PTPRN2: variants seen among roughly 807,000 people sequenced by gnomAD.
PTPRN2 encodes protein tyrosine phosphatase receptor type N2.
A neutral mutation model predicts 118.8 loss-of-function variants in PTPRN2; 74 were observed. That is an observed-to-expected ratio of 0.62 (90% CI 0.52 to 0.76). The LOEUF is 0.76. Ranked by LOEUF, PTPRN2 falls within the 30% of genes least tolerant of loss-of-function variation. The probability of loss-of-function intolerance (pLI) is 0.00; values close to 1 mark genes in which losing one functional copy is unlikely to be tolerated. For missense variants in PTPRN2, 1,481 were observed against 1,394.4 expected (o/e 1.06, Z -0.99); for synonymous variants, 641 against 608.0 (o/e 1.05, Z -0.80).
chr7:158,343,984 C>T (rs1807290216), intron 2 of PTPRN2, among the ~76,000 whole-genome samples: 1 of 152,216 alleles, frequency 6.6e-6, no homozygotes, highest in African/African-American at 2.4e-5. Flanking sequence ...ATACACTTCA[C>T]ACTGCCACAC....
chr7:157,658,143 C>T (rs370754250), intron 13 of PTPRN2, among the ~76,000 whole-genome samples: 3 of 151,490 alleles, frequency 2.0e-5, no homozygotes, highest in Admixed American at 6.6e-5. Flanking sequence ...CAGTAGCCTT[C>T]GTTGGGTGGC....
At chr7:157,687,372 T>C (rs773057443) in intron 12 of PTPRN2, among the ~76,000 whole-genome samples, 1 of 152,228 alleles carries the variant, frequency 6.6e-6, no homozygotes, top group Non-Finnish European at 1.5e-5. Context: ...TCCAAGGTTG[T>C]GTGATATAAC....
chr7:158,521,800 T>TA (rs1824101881), intron 1 of PTPRN2, among the ~76,000 whole-genome samples: 1 of 64,650 alleles, frequency 1.5e-5, no homozygotes, highest in Non-Finnish European at 3.1e-5. Flanking sequence ...ACTGTCCAGG[T>TA]GCTGGCTCGG....
intron 12 of PTPRN2, among the ~76,000 whole-genome samples, chr7:157,793,293 G>A (rs113405405): frequency 7.6e-4 from 116 of 152,334 alleles, no homozygotes; most frequent in African/African-American, 2.6e-3. Flanking sequence ...GTTTCATTAC[G>A]TGAGATGGCA....
At chr7:158,571,511 AC>A (rs200803644) in intron 1 of PTPRN2, among the ~76,000 whole-genome samples, 2,028 of 146,058 alleles carry the variant, frequency 0.014, 57 homozygotes, top group African/African-American at 0.044. Context: ...ACAAAAAAAA[AC>A]ACACACCTAT....
intron 12 of PTPRN2, among the ~76,000 whole-genome samples, chr7:157,708,258 A>G (rs1798432357): frequency 6.6e-6 from 1 of 152,168 alleles, no homozygotes. Flanking sequence ...CTCTGCTGCC[A>G]GCTCCCTGGT....
Position 158,352,885 on chromosome 7 carries a change from C to T in PTPRN2, c.164-35953G>A, listed in dbSNP as rs1808110750. ...GCTGCCTGGCTCTCTCTGCCTGTTA[C>T]TCTGTTTCTGGAACATGGCAGCTGC... On this transcript the variant is annotated intron_variant, in intron 2 of 22. Coordinates refer to ENST00000389418, the MANE Select transcript of PTPRN2 (RefSeq NM_002847.5). Among the ~76,000 whole-genome samples the T allele has an allele frequency of 2.0e-5, 3 of 152,250 alleles. No homozygotes were observed. In the South Asian group the frequency reaches 6.2e-4, roughly 32 times the overall value.
rs576520819 is a variant in PTPRN2 at position 158,139,435 on chromosome 7, G to A, written c.911-920C>T. On this transcript the variant is annotated intron_variant, in intron 6 of 22. Transcript: ENST00000389418. ...TCGTTGGAAGAACAGAATGGGAGACGTTCTGCAGAACCTCAGTCACCCCTG... is the reference window on the plus strand; with the variant it reads ...TCGTTGGAAGAACAGAATGGGAGACATTCTGCAGAACCTCAGTCACCCCTG... 3.3e-5 allele frequency among the ~76,000 whole-genome samples: 5 copies of A among 152,208 alleles called. No individual in the cohort carries two copies. The South Asian group carries it at 1.0e-3, about 32-fold the overall frequency.
Position 157,656,569 on chromosome 7 carries a change from G to A in PTPRN2, c.2002-18C>T. On this transcript the variant is annotated intron_variant, in intron 13 of 22. Coordinates refer to ENST00000389418, the MANE Select transcript of PTPRN2 (RefSeq NM_002847.5). The stretch of plus-strand genomic sequence containing the variant: ...CACAGCTCCTGCAGGACAGGGGGAG[G>A]AAGAGCAGGGGGTTAGTGGCATTGG... The A allele has an allele frequency of 6.6e-7, 1 of 1,521,442 alleles. No homozygotes were observed. Among genetic ancestry groups the A allele is most frequent in the Non-Finnish European group, 8.8e-7 (1 of 1,134,516 alleles). The allele number at this position is 1,521,442 out of a possible 1,614,324, so 94.2% of individuals were successfully genotyped here.
chr7:158,258,592 G>T (rs569845999), intron 3 of PTPRN2, among the ~76,000 whole-genome samples: 1 of 152,304 alleles, frequency 6.6e-6, no homozygotes, highest in East Asian at 1.9e-4. Flanking sequence ...GGAAGGGTCT[G>T]TGTCTCCTCC....
chr7:158,175,901 C>A (rs1282108296), intron 5 of PTPRN2, among the ~76,000 whole-genome samples: 1 of 152,140 alleles, frequency 6.6e-6, no homozygotes. Flanking sequence ...CACCATGAGG[C>A]CAGTGCTGCT....
At chr7:158,116,128 A>C (rs1241949293) in intron 9 of PTPRN2, among the ~76,000 whole-genome samples, 1 of 152,244 alleles carries the variant, frequency 6.6e-6, no homozygotes, top group Non-Finnish European at 1.5e-5. Flanking sequence ...CCACAAGTAG[A>C]TTCTACATTG....
intron 2 of PTPRN2, among the ~76,000 whole-genome samples, chr7:158,459,421 C>T (rs1818796542): frequency 6.6e-6 from 1 of 151,892 alleles, no homozygotes. Flanking sequence ...CGAACGGGAT[C>T]CAGAATCCAG....
chr7:158,314,939 C>T (rs989223363), intron 3 of PTPRN2, among the ~76,000 whole-genome samples: 8 of 149,056 alleles, frequency 5.4e-5, no homozygotes, highest in South Asian at 4.3e-4. Flanking sequence ...GAGGTGAACC[C>T]GGGACCCCCT....
At chr7:158,263,424 G>GCA (rs67067656) in intron 3 of PTPRN2, among the ~76,000 whole-genome samples, 59,051 of 151,514 alleles carry the variant, frequency 0.39, 11,746 homozygotes, top group African/African-American at 0.46. Context: ...ACAAACACAT[G>GCA]CACACACACA....
chr7:158,098,965 C>T lies in PTPRN2; in HGVS notation c.1643+11864G>A, dbSNP rs117265503. ...TGAAGACCCACTTCTTCTCTGGCCT[C>T]ATTCCTGGGTTCCGCATCCCGGCTG... On this transcript the variant is annotated intron_variant, in intron 10 of 22. Coordinates refer to ENST00000389418, the MANE Select transcript of PTPRN2 (RefSeq NM_002847.5). 2.4e-3 allele frequency among the ~76,000 whole-genome samples: 357 copies of T among 150,234 alleles called. 10 individuals carry two copies. In the East Asian group the frequency reaches 0.053, roughly 22 times the overall value.
At chr7:157,967,800 G>T (rs989321343) in intron 11 of PTPRN2, among the ~76,000 whole-genome samples, 1 of 152,206 alleles carries the variant, frequency 6.6e-6, no homozygotes, top group Non-Finnish European at 1.5e-5. Context: ...TTTACCTTGG[G>T]ATGAATGATC....
At chr7:157,614,274 C>T (rs1802610421) in intron 15 of PTPRN2, among the ~76,000 whole-genome samples, 1 of 151,898 alleles carries the variant, frequency 6.6e-6, no homozygotes, top group Non-Finnish European at 1.5e-5. Flanking sequence ...GAGACCTGTA[C>T]ACTCCGGGTT....
intron 21 of PTPRN2, among the ~76,000 whole-genome samples, chr7:157,568,317 A>G (rs536900383): frequency 2.9e-4 from 44 of 152,100 alleles, no homozygotes; most frequent in African/African-American, 9.4e-4. Flanking sequence ...GACTCCCCAC[A>G]CCGTCTCTGA....
Sources: allele counts gnomAD v4.1 joint callset (sites outside exome capture counted in the v4.1 genomes callset), GRCh38; gene constraint gnomAD v4.1.1; transcripts MANE v1.5; gene names NCBI Gene and HGNC (gene_info 2026-07-23, HGNC 2026-07-21).